NEDD1: variants seen among roughly 807,000 people sequenced by gnomAD.
NEDD1 encodes the protein NEDD1 gamma-tubulin ring complex targeting factor.
NEDD1 carries 33 observed loss-of-function variants against 74.0 expected under a neutral mutation model. That is an observed-to-expected ratio of 0.45 (90% CI 0.34 to 0.60). The LOEUF (loss-of-function observed/expected upper bound fraction) is 0.60. Ranked by LOEUF, NEDD1 falls within the 20% of genes least tolerant of loss-of-function variation. The pLI, the probability that NEDD1 is intolerant of heterozygous loss-of-function variation, is 0.01. For synonymous variants in NEDD1, 250 were observed against 264.4 expected (o/e 0.95, Z 0.53); for missense variants, 746 against 776.5 (o/e 0.96, Z 0.47).
intron 14 of NEDD1, among the ~76,000 whole-genome samples, chr12:96,949,278 T>C (rs929505891): frequency 6.6e-6 from 1 of 152,198 alleles, no homozygotes; most frequent in African/African-American, 2.4e-5. Context: ...TTGTTTGTTT[T>C]CAATACAGTT....
intron 6 of NEDD1, among the ~76,000 whole-genome samples, chr12:96,929,576 C>T (rs1876128826): frequency 1.1e-5 from 1 of 93,396 alleles, no homozygotes; most frequent in African/African-American, 4.2e-5. Context: ...CACACACACA[C>T]ACACACACAC....
At chr12:96,951,633 ATAAGT>A (rs1477217452) in intron 15 of NEDD1, 135 bp downstream of exon 15, 3 of 547,848 alleles carry the variant, frequency 5.5e-6, no homozygotes, top group Non-Finnish European at 9.6e-6. Context: ...TATAGACTAA[ATAAGT>A]AAAATAGATT....
intron 9 of NEDD1, among the ~76,000 whole-genome samples, chr12:96,938,167 G>A (rs572807224): frequency 6.6e-6 from 1 of 151,814 alleles, no homozygotes; most frequent in Admixed American, 6.6e-5. Flanking sequence ...CCAAGTAGAA[G>A]CAAAACTTTA....
In NEDD1 at chr12:96,936,655, A is replaced by G. The variant is rs1314920694; in HGVS notation, c.764A>G (p.Asp255Gly). 3 of 1,613,882 alleles carry G rather than the reference A, an allele frequency of 1.9e-6. No individual in the cohort carries two copies. The highest frequency in any genetic ancestry group is 1.7e-6 in the Non-Finnish European group (2 of 1,179,832). The change falls in exon 8 of 16, where the codon GAT (aspartate) becomes GGT (glycine). Residue 255 changes from aspartate (D) to glycine (G), a missense_variant. Physicochemically the swap from Asp to Gly is moderately conservative, Grantham distance 94 (BLOSUM62 -1). Around this residue, in one of 3 missense-constraint regions of NEDD1, gnomAD observed 706 missense variants for 706.7 expected, o/e 1.00. Coordinates refer to ENST00000266742, the MANE Select transcript of NEDD1 (RefSeq NM_152905.4). ...GCTGACACTCCTCTAACTGCGGTAGATTTCATGCCTGATGGAGCCACTTTG... is the reference window on the plus strand; with the variant it reads ...GCTGACACTCCTCTAACTGCGGTAGGTTTCATGCCTGATGGAGCCACTTTG... ...LVADTPLTAV[D>G]FMPDGATLAI...
chr12:96,930,197 ACACACACACACACACTCTCTCTCTCT>A (rs1243509034), intron 6 of NEDD1, among the ~76,000 whole-genome samples: 3 of 73,694 alleles, frequency 4.1e-5, no homozygotes, highest in South Asian at 4.7e-4. Flanking sequence ...ACACACACAC[ACACACACACACACACTCTCTCTCTCT>A]CTCTCTCTCT....
At chr12:96,950,074 A>T (rs768657900) in intron 14 of NEDD1, among the ~76,000 whole-genome samples, 1 of 152,046 alleles carries the variant, frequency 6.6e-6, no homozygotes, top group Admixed American at 6.6e-5. Flanking sequence ...TGCAGTTCTC[A>T]TATAAATAAC....
chr12:96,934,937 G>A (rs201968415), intron 6 of NEDD1, 39 bp from the exon 7 acceptor site: 1 of 366,354 alleles, frequency 2.7e-6, no homozygotes, highest in Non-Finnish European at 4.1e-6. Flanking sequence ...CCTTATGAAT[G>A]CTTATAATTA....
At chr12:96,910,868 T>C (rs1873849948) in intron 3 of NEDD1, among the ~76,000 whole-genome samples, 1 of 152,240 alleles carries the variant, frequency 6.6e-6, no homozygotes, top group Non-Finnish European at 1.5e-5. Flanking sequence ...TATCTGATTT[T>C]TATCAACACC....
rs761755016 is a variant in NEDD1 at position 96,944,703 on chromosome 12, A to C, written c.1562A>C (p.Gln521Pro). ...GNLNTSPSSN[Q>P]TRNSEKFEKP... The stretch of plus-strand genomic sequence containing the variant: ...CTAAATACCTCTCCATCATCTAACC[A>C]AACAAGAAATTCTGAGAAATTTGAA... Residue 521 changes from glutamine (Q) to proline (P), a missense_variant, in exon 13 of 16, where the codon CAA (glutamine) becomes CCA (proline). By Grantham distance (76) the Gln-to-Pro change is moderately conservative. Around this residue, in one of 3 missense-constraint regions of NEDD1, gnomAD observed 706 missense variants for 706.7 expected, o/e 1.00. Transcript: ENST00000266742. 1 of 1,602,200 alleles carries C rather than the reference A, an allele frequency of 6.2e-7. No individual in the cohort carries two copies. Among genetic ancestry groups the C allele is most frequent in the Admixed American group, 1.7e-5 (1 of 58,574 alleles).
intron 6 of NEDD1, among the ~76,000 whole-genome samples, chr12:96,923,901 A>AT (rs1257051980): frequency 6.6e-6 from 1 of 151,446 alleles, no homozygotes; most frequent in African/African-American, 2.4e-5. Flanking sequence ...ATGAAGTCTC[A>AT]TATGTCAGTC....
intron 3 of NEDD1, among the ~76,000 whole-genome samples, chr12:96,911,428 A>G (rs1486195394): frequency 6.6e-6 from 1 of 152,210 alleles, no homozygotes. Flanking sequence ...GAAAGCCTTC[A>G]TACAGTCTTA....
At chr12:96,935,759 T>G (rs933016021) in intron 7 of NEDD1, among the ~76,000 whole-genome samples, 7 of 152,132 alleles carry the variant, frequency 4.6e-5, no homozygotes, top group Admixed American at 3.3e-4. Context: ...GTGTACATAA[T>G]CCTCTAAGCA....
Position 96,945,833 on chromosome 12 carries a change from A to G in NEDD1, c.1795A>G (p.Thr599Ala), listed in dbSNP as rs1324041483. ...IRFIQNMIQE[T>A]LDDFREACHR... ...TTTTATTCAGAACATGATACAGGAAACGTTGGATGACTTTAGGTAGTAATT... is the reference window on the plus strand; with the variant it reads ...TTTTATTCAGAACATGATACAGGAAGCGTTGGATGACTTTAGGTAGTAATT... Residue 599 changes from threonine to alanine, a missense_variant, in exon 14 of 16, where the codon ACG (threonine) becomes GCG (alanine). Thr to Ala is a moderately conservative substitution (Grantham distance 58). Coordinates refer to ENST00000266742, the MANE Select transcript of NEDD1 (RefSeq NM_152905.4). 1 of 1,610,032 alleles carries G rather than the reference A, an allele frequency of 6.2e-7. No homozygotes were observed. The highest frequency in any genetic ancestry group is 8.5e-7 in the Non-Finnish European group (1 of 1,176,596).
At chr12:96,934,363 T>TC (rs1876863072) in intron 6 of NEDD1, among the ~76,000 whole-genome samples, 1 of 152,074 alleles carries the variant, frequency 6.6e-6, no homozygotes, top group Admixed American at 6.6e-5. Context: ...GTAGCTATAC[T>TC]CCAAGATAAT....
chr12:96,908,871 G>T lies in NEDD1; in HGVS notation c.-8-881G>T, dbSNP rs145751989. 1.3e-3 allele frequency among the ~76,000 whole-genome samples: 195 copies of T among 152,242 alleles called. 2 individuals are homozygous for T. The highest frequency in any genetic ancestry group is 4.0e-3 in the Admixed American group (61 of 15,282). On this transcript the variant is annotated intron_variant, in intron 2 of 15. Coordinates refer to ENST00000266742, the MANE Select transcript of NEDD1 (RefSeq NM_152905.4). ...TGGTGTGGGGAGACAGACATTATAA[G>T]AACAAATAAAAATTTCAGATAGTGG...
intron 6 of NEDD1, among the ~76,000 whole-genome samples, chr12:96,931,996 G>T (rs1010233530): frequency 7.9e-5 from 12 of 151,914 alleles, no homozygotes; most frequent in Non-Finnish European, 1.3e-4. Context: ...AAGTTTATTG[G>T]AACACAGCCA....
intron 6 of NEDD1, among the ~76,000 whole-genome samples, chr12:96,921,586 A>G (rs1875097554): frequency 6.6e-6 from 1 of 152,138 alleles, no homozygotes. Context: ...AAGATGTATA[A>G]TAAATATTTG....
intron 4 of NEDD1, among the ~76,000 whole-genome samples, chr12:96,913,286 A>G (rs1211969450): frequency 6.6e-6 from 1 of 150,740 alleles, no homozygotes; most frequent in Non-Finnish European, 1.5e-5. Flanking sequence ...CCTCCCCCAT[A>G]CTCTCCTTAA....
At chr12:96,929,455 G>A (rs1290541201) in intron 6 of NEDD1, among the ~76,000 whole-genome samples, 1 of 148,790 alleles carries the variant, frequency 6.7e-6, no homozygotes, top group Non-Finnish European at 1.5e-5. Flanking sequence ...GTTTGTGTGG[G>A]ATATATCTGT....
Sources: allele counts gnomAD v4.1 joint callset (sites outside exome capture counted in the v4.1 genomes callset), GRCh38; gene constraint gnomAD v4.1.1; regional missense constraint gnomAD v4.1.1; transcripts MANE v1.5; gene names NCBI Gene and HGNC (gene_info 2026-07-23, HGNC 2026-07-21).